The following STK3 variants were observed in gnomAD, a reference collection of about 807,000 sequenced individuals.
STK3 encodes serine/threonine-protein kinase 3.
Under a neutral mutation model 58.0 loss-of-function variants are expected in STK3, and 41 were observed. That is an observed-to-expected ratio of 0.71 (90% CI 0.55 to 0.92). STK3 has a LOEUF of 0.92. Ranked by LOEUF, STK3 falls within the 40% of genes least tolerant of loss-of-function variation. The pLI, the probability that STK3 is intolerant of heterozygous loss-of-function variation, is 0.00. For missense variants in STK3, 479 were observed against 602.7 expected (o/e 0.79, Z 2.15); for synonymous variants, 170 against 191.0 (o/e 0.89, Z 0.91).
intron 1 of STK3, among the ~76,000 whole-genome samples, chr8:98,899,408 GA>G (rs1193001134): frequency 1.3e-5 from 2 of 151,944 alleles, no homozygotes; most frequent in African/African-American, 4.8e-5. Flanking sequence ...AAAATATCTG[GA>G]AAAAAATTGT....
At chr8:98,648,709 T>C (rs1391053985) in intron 6 of STK3, among the ~76,000 whole-genome samples, 2 of 152,224 alleles carry the variant, frequency 1.3e-5, no homozygotes, top group African/African-American at 2.4e-5. Flanking sequence ...CTGGCCAATA[T>C]GGTGAAACCC....
intron 3 of STK3, among the ~76,000 whole-genome samples, chr8:98,419,328 T>C (rs1382374621): frequency 1.3e-5 from 2 of 151,738 alleles, no homozygotes; most frequent in Non-Finnish European, 2.9e-5. Context: ...CCCACTGCAC[T>C]CTAGTGTGGG....
At chr8:98,377,396 T>A (rs2130996510) in intron 2 of STK3, among the ~76,000 whole-genome samples, 1 of 152,268 alleles carries the variant, frequency 6.6e-6, no homozygotes. Flanking sequence ...AATATTTATT[T>A]GCAGCCAAAT....
intron 10 of STK3, among the ~76,000 whole-genome samples, chr8:98,494,961 C>T (rs1823010182): frequency 6.6e-6 from 1 of 152,182 alleles, no homozygotes; most frequent in Non-Finnish European, 1.5e-5. Flanking sequence ...CTTCATGAAT[C>T]CAACCACTAA....
chr8:98,462,442 G>A (rs1423172217), intron 10 of STK3, among the ~76,000 whole-genome samples: 3 of 152,094 alleles, frequency 2.0e-5, no homozygotes, highest in Non-Finnish European at 4.4e-5. Flanking sequence ...AGCTGTGCAT[G>A]GGCCTATCTT....
At chr8:98,490,831 A>G (rs1323502810) in intron 10 of STK3, among the ~76,000 whole-genome samples, 1 of 152,112 alleles carries the variant, frequency 6.6e-6, no homozygotes, top group Non-Finnish European at 1.5e-5. Context: ...GACGGCCCAC[A>G]GGTTTGAGAA....
At chr8:98,398,885 CCG>C (rs1817919772), downstream of STK3, among the ~76,000 whole-genome samples, 3 of 152,150 alleles carry the variant, frequency 2.0e-5, no homozygotes, top group African/African-American at 7.2e-5. Context: ...GCGTTAAATC[CCG>C]TGAGTTCATC....
chr8:98,429,290 G>T (rs1262137749), intron 3 of STK3: 5 of 1,614,016 alleles, frequency 3.1e-6, no homozygotes, highest in Non-Finnish European at 4.2e-6. Context: ...ATGGAATGAA[G>T]GAGGTCCCTT....
At position 98,668,988 on chromosome 8, in the gene STK3, CT is replaced by C. The variant is rs35407432; in HGVS notation, c.684+37478del. Among the ~76,000 whole-genome samples, 967 of 111,080 alleles carry C rather than the reference CT, an allele frequency of 8.7e-3. 6 individuals carry two copies. Among genetic ancestry groups the C allele is most frequent in the African/African-American group, 0.028 (822 of 29,300 alleles). 72.9% of individuals were successfully genotyped at this position (111,080 alleles called of 152,430 possible). On this transcript the variant is annotated intron_variant, in intron 6 of 10. Transcript: ENST00000419617. ...ATTACACGTGCCAAATTAATCTTGT[CT>C]TTTTTTTTTTTTTTTTTTTGAGATG... is the stretch of plus-strand genomic sequence containing the variant.
At position 98,912,229 on chromosome 8, in the gene STK3, A is replaced by C. The variant is rs144686491; in HGVS notation, c.-78-28395T>G. On this transcript the variant is annotated intron_variant, in intron 1 of 1. Coordinates refer to the STK3 transcript ENST00000519420. Reference sequence around the variant, plus strand: ...CCTCGTCTCTACTAAAAATACAAAAATTAGCCCGATGTGGTGGCGCACGCC... The same window carrying C: ...CCTCGTCTCTACTAAAAATACAAAACTTAGCCCGATGTGGTGGCGCACGCC... 4.2e-3 allele frequency among the ~76,000 whole-genome samples: 632 copies of C among 152,262 alleles called. 10 individuals are homozygous for C. Among genetic ancestry groups the C allele is most frequent in the African/African-American group, 0.015 (606 of 41,550 alleles).
At chr8:98,738,898 C>T (rs1407799133) in intron 4 of STK3, among the ~76,000 whole-genome samples, 1 of 152,270 alleles carries the variant, frequency 6.6e-6, no homozygotes, top group Non-Finnish European at 1.5e-5. Context: ...GAATACTGCG[C>T]TTTTCCGACG....
intron 10 of STK3, among the ~76,000 whole-genome samples, chr8:98,500,670 G>A (rs978773807): frequency 1.3e-5 from 2 of 152,046 alleles, no homozygotes; most frequent in Non-Finnish European, 2.9e-5. Context: ...TTGATTTTCC[G>A]TCCTTGTGAC....
chr8:98,401,580 C>T (rs1817944253), intron 3 of STK3: 1 of 152,136 alleles, frequency 6.6e-6, no homozygotes, highest in Non-Finnish European at 1.5e-5. Flanking sequence ...CTGTCTGACC[C>T]CACACAACAT....
intron 3 of STK3, among the ~76,000 whole-genome samples, chr8:98,850,015 C>A (rs1450033125): frequency 6.6e-6 from 1 of 152,124 alleles, no homozygotes; most frequent in Non-Finnish European, 1.5e-5. Flanking sequence ...ATTTTTATCT[C>A]TTTATCACTT....
At chr8:98,603,077 T>G (rs745350186) in intron 6 of STK3, among the ~76,000 whole-genome samples, 1 of 152,142 alleles carries the variant, frequency 6.6e-6, no homozygotes, top group East Asian at 1.9e-4. Context: ...TCTGGGTATC[T>G]TGCTAGGCCA....
At chr8:98,620,506 G>C (rs1344227678) in intron 6 of STK3, among the ~76,000 whole-genome samples, 2 of 144,728 alleles carry the variant, frequency 1.4e-5, no homozygotes, top group Non-Finnish European at 3.0e-5. Context: ...AAATAAAAAG[G>C]TCAACATCAA....
chr8:98,559,798 G>A (rs1811871796), intron 8 of STK3, among the ~76,000 whole-genome samples: 1 of 152,110 alleles, frequency 6.6e-6, no homozygotes, highest in African/African-American at 2.4e-5. Flanking sequence ...CAAAGGCTCT[G>A]ACTATGCTAT....
intron 6 of STK3, among the ~76,000 whole-genome samples, chr8:98,704,488 G>A (rs969145540): frequency 1.1e-4 from 16 of 151,694 alleles, no homozygotes; most frequent in African/African-American, 3.9e-4. Flanking sequence ...AAATTTACTT[G>A]GGCGATAGCT....
chr8:98,653,038 A>G (rs535883365), intron 6 of STK3, among the ~76,000 whole-genome samples: 9 of 152,342 alleles, frequency 5.9e-5, no homozygotes, highest in African/African-American at 1.2e-4. Flanking sequence ...CATTTCTTTC[A>G]GCACCACACC....
Sources: gnomAD v4.1 joint callset for allele counts (sites outside exome capture counted in the v4.1 genomes callset) on GRCh38, gnomAD v4.1.1 for gene constraint, MANE v1.5 for transcripts, NCBI Gene and HGNC (gene_info 2026-07-23, HGNC 2026-07-21) for gene names.